The following FGF7 variants were observed in gnomAD, a reference collection of about 807,000 sequenced individuals.
FGF7 encodes FGF-7.
Under a neutral mutation model 20.5 loss-of-function variants are expected in FGF7, and 6 were observed. The observed-to-expected ratio is 0.29, with a 90% CI of 0.16 to 0.58. FGF7 has a LOEUF of 0.58. Ranked by LOEUF, FGF7 falls within the 20% of genes least tolerant of loss-of-function variation. The probability of loss-of-function intolerance (pLI) is 0.90; values close to 1 mark genes in which losing one functional copy is unlikely to be tolerated. For missense variants in FGF7, 144 were observed against 228.8 expected, an observed-to-expected ratio of 0.63 and a Z score of 2.39; for synonymous variants, 64 against 74.7, an observed-to-expected ratio of 0.86 and a Z score of 0.74.
At chr15:49,439,345 A>C (rs2051411278) in intron 2 of FGF7, among the ~76,000 whole-genome samples, 1 of 151,660 alleles carries the variant, frequency 6.6e-6, no homozygotes, top group African/African-American at 2.4e-5. Flanking sequence ...AGAATCTTTA[A>C]GATGGAAATT....
chr15:49,444,045 T>C (rs1597230354), intron 2 of FGF7, among the ~76,000 whole-genome samples: 1 of 151,700 alleles, frequency 6.6e-6, no homozygotes, highest in Admixed American at 6.6e-5. Context: ...TAAACTAACA[T>C]TGTGCTGGGC....
In FGF7 at chr15:49,485,178, G is replaced by C. The variant is rs1014798713; in HGVS notation, c.*674G>C. Reference sequence around the variant, plus strand: ...TCAAGTGGAAAGGGTATTGCTAAAAGGATGTTTCCAAAAATCTTGTATATA... The same window carrying C: ...TCAAGTGGAAAGGGTATTGCTAAAACGATGTTTCCAAAAATCTTGTATATA... On this transcript the variant is annotated 3_prime_UTR_variant, in exon 4 of 4. Transcript: ENST00000267843. 9.9e-5 allele frequency: 15 copies of C among 152,246 alleles called. No homozygotes were observed. Among genetic ancestry groups the C allele is most frequent in the Non-Finnish European group, 2.2e-4 (15 of 67,892 alleles). 9.4% of individuals were successfully genotyped at this position (152,246 alleles called of 1,614,324 possible).
At chr15:49,448,128 C>T (rs186245399) in intron 2 of FGF7, among the ~76,000 whole-genome samples, 1 of 151,824 alleles carries the variant, frequency 6.6e-6, no homozygotes, top group Admixed American at 6.6e-5. Context: ...CTCCTATTTA[C>T]ATAACATATT....
rs1597513355 is a variant in FGF7, at chr15:49,487,914, T to C, written c.*3410T>C. The C allele has an allele frequency of 6.6e-6, 1 of 152,098 alleles. No homozygotes were observed. Among genetic ancestry groups the C allele is most frequent in the East Asian group, 1.9e-4 (1 of 5,186 alleles). 9.4% of individuals were successfully genotyped at this position (152,098 alleles called of 1,614,324 possible). On this transcript the variant is annotated 3_prime_UTR_variant, in exon 4 of 4. Transcript: ENST00000267843. The stretch of plus-strand genomic sequence containing the variant: ...GGTTTACATCCCTACTCCACTGCCA[T>C]TTACTTGAGCGTGAATGAGACACAA...
chr15:49,471,935 A>C (rs9972429), intron 2 of FGF7, among the ~76,000 whole-genome samples: 49,132 of 151,726 alleles, frequency 0.32, 8,667 homozygotes, highest in African/African-American at 0.45. Context: ...GTGACAGTGA[A>C]GTTCTGGATA....
chr15:49,464,191 C>T (rs2054062131), intron 2 of FGF7, among the ~76,000 whole-genome samples: 2 of 152,070 alleles, frequency 1.3e-5, no homozygotes, highest in African/African-American at 4.8e-5. Flanking sequence ...TCAGAATCTC[C>T]ACAGAGTATG....
In FGF7 at chr15:49,483,344, T is replaced by C. The variant is rs531831948; in HGVS notation, c.390+90T>C. 6.7e-5 allele frequency: 46 copies of C among 689,070 alleles called. No homozygotes were observed. In the East Asian group the frequency reaches 1.1e-3, roughly 16 times the overall value. 42.7% of individuals were successfully genotyped at this position (689,070 alleles called of 1,614,324 possible). The stretch of plus-strand genomic sequence containing the variant: ...TCTGAAAAGTAAAAATGGAATTAAT[T>C]TATCTCCAACTGTATAATTTAATGA... On this transcript the variant is annotated intron_variant, in intron 3 of 3. Coordinates refer to ENST00000267843, the MANE Select transcript of FGF7 (RefSeq NM_002009.4).
In FGF7 at chr15:49,486,612, T is replaced by C. The variant is rs1382487592; in HGVS notation, c.*2108T>C. Reference sequence around the variant, plus strand: ...CAGAAATTTAAATAGAAATAGTGTATATACATATAAAATACAAGCTATGTT... The same window carrying C: ...CAGAAATTTAAATAGAAATAGTGTACATACATATAAAATACAAGCTATGTT... On this transcript the variant is annotated 3_prime_UTR_variant, in exon 4 of 4. Coordinates refer to ENST00000267843, the MANE Select transcript of FGF7 (RefSeq NM_002009.4). 1 of 151,982 alleles carries C rather than the reference T, an allele frequency of 6.6e-6. No homozygotes were observed. Among genetic ancestry groups the C allele is most frequent in the African/African-American group, 2.4e-5 (1 of 41,428 alleles). The allele number at this position is 151,982 out of a possible 1,614,324, so 9.4% of individuals were successfully genotyped here.
intron 2 of FGF7, among the ~76,000 whole-genome samples, chr15:49,435,530 C>T (rs2051025869): frequency 6.6e-6 from 1 of 151,514 alleles, no homozygotes; most frequent in African/African-American, 2.4e-5. Flanking sequence ...ATTAGGCTCA[C>T]CTCCCTTCTT....
At chr15:49,442,301 G>A (rs76403592) in intron 2 of FGF7, among the ~76,000 whole-genome samples, 1 of 151,506 alleles carries the variant, frequency 6.6e-6, no homozygotes, top group East Asian at 2.0e-4. Flanking sequence ...TTTCTTCTCA[G>A]TATCTACCCA....
At chr15:49,472,444 AG>A (rs1426822427) in intron 2 of FGF7, among the ~76,000 whole-genome samples, 3 of 152,240 alleles carry the variant, frequency 2.0e-5, no homozygotes, top group Non-Finnish European at 2.9e-5. Flanking sequence ...AAGTTGCCAT[AG>A]GACACTTCAG....
At chr15:49,433,444 T>C (rs565948366) in intron 2 of FGF7, among the ~76,000 whole-genome samples, 1 of 151,794 alleles carries the variant, frequency 6.6e-6, no homozygotes, top group Non-Finnish European at 1.5e-5. Context: ...ATATTTATCC[T>C]TTAATTTATT....
In FGF7 at chr15:49,484,354, A is replaced by T; in HGVS notation, c.435A>T (p.Glu145Asp). The T allele has an allele frequency of 6.3e-7, 1 of 1,592,038 alleles. No individual in the cohort carries two copies. Among genetic ancestry groups the T allele is most frequent in the Non-Finnish European group, 8.5e-7 (1 of 1,177,196 alleles). The part of the protein sequence containing the change: ...EDCNFKELIL[E>D]NHYNTYASAK... ...GTAACTTCAAAGAACTAATTCTGGA[A>T]AACCATTACAACACATATGCATCAG... is the stretch of plus-strand genomic sequence containing the variant. Residue 145 changes from glutamate (E) to aspartate (D), a missense_variant, in exon 4 of 4, where the codon GAA (glutamate) becomes GAT (aspartate). Glu to Asp is a conservative substitution (Grantham distance 45). Coordinates refer to ENST00000267843, the MANE Select transcript of FGF7 (RefSeq NM_002009.4).
At chr15:49,483,534 A>G (rs547856307) in intron 3 of FGF7, among the ~76,000 whole-genome samples, 23 of 152,118 alleles carry the variant, frequency 1.5e-4, no homozygotes, top group African/African-American at 3.6e-4. Flanking sequence ...TGCATTTTAG[A>G]TATTTAAAAT....
chr15:49,478,548 T>C (rs569444443), intron 2 of FGF7, among the ~76,000 whole-genome samples: 1 of 152,192 alleles, frequency 6.6e-6, no homozygotes, highest in Non-Finnish European at 1.5e-5. Flanking sequence ...TAAATTTAAA[T>C]GTTTTTTTCT....
chr15:49,460,383 C>T (rs1377468147), intron 2 of FGF7, among the ~76,000 whole-genome samples: 5 of 152,180 alleles, frequency 3.3e-5, no homozygotes, highest in Non-Finnish European at 7.3e-5. Flanking sequence ...ATATAATTTA[C>T]TTAAGTGTTT....
intron 2 of FGF7, among the ~76,000 whole-genome samples, chr15:49,435,135 T>C (rs1037926078): frequency 4.6e-5 from 7 of 151,592 alleles, no homozygotes; most frequent in Non-Finnish European, 1.0e-4. Flanking sequence ...AAGGCATAAG[T>C]GTGAAAAAAA....
intron 2 of FGF7, among the ~76,000 whole-genome samples, chr15:49,468,520 C>G (rs560055323): frequency 6.6e-6 from 1 of 152,198 alleles, no homozygotes; most frequent in East Asian, 1.9e-4. Context: ...AGTGATCCAA[C>G]GACAAGATTA....
At chr15:49,453,471 C>T (rs1457955481) in intron 2 of FGF7, among the ~76,000 whole-genome samples, 1 of 152,082 alleles carries the variant, frequency 6.6e-6, no homozygotes, top group Non-Finnish European at 1.5e-5. Flanking sequence ...AAATCCAATG[C>T]ATGTTTTTCC....
Sources: allele counts gnomAD v4.1 joint callset (sites outside exome capture counted in the v4.1 genomes callset), GRCh38; gene constraint gnomAD v4.1.1; transcripts MANE v1.5; gene names NCBI Gene and HGNC (gene_info 2026-07-23, HGNC 2026-07-21).